The following IL1RAPL2 variants were observed in gnomAD, a reference collection of about 807,000 sequenced individuals.
IL1RAPL2 encodes the protein interleukin 1 receptor accessory protein like 2, also known as X-linked interleukin-1 receptor accessory protein-like 2.
IL1RAPL2 carries 3 observed loss-of-function variants against 44.1 expected under a neutral mutation model. That is an observed-to-expected ratio of 0.07 (90% CI 0.03 to 0.18). The LOEUF is 0.18. Among genes scored for constraint, IL1RAPL2 ranks in the 10% least tolerant of loss-of-function variants. The pLI, the probability that IL1RAPL2 is intolerant of heterozygous loss-of-function variation, is 1.00. For missense variants in IL1RAPL2, 391 were observed against 496.4 expected (o/e 0.79, Z 2.02); for synonymous variants, 181 against 178.8 (o/e 1.01, Z -0.10).
chrX:104,850,523 C>A (rs1490406539), intron 2 of IL1RAPL2, among the ~76,000 whole-genome samples: 6 of 111,586 alleles, frequency 5.4e-5, no homozygotes, highest in Non-Finnish European at 1.1e-4. Flanking sequence ...TGATCTGAGT[C>A]TTTCATAAAC....
chrX:104,742,548 C>T (rs1407766530), intron 2 of IL1RAPL2, among the ~76,000 whole-genome samples: 1 of 111,687 alleles, frequency 9.0e-6, no homozygotes, highest in African/African-American at 3.2e-5. Flanking sequence ...TGTTTAATGA[C>T]ACTGAGAAAA....
At chrX:105,031,086 T>C (rs1471627127) in intron 2 of IL1RAPL2, among the ~76,000 whole-genome samples, 1 of 110,445 alleles carries the variant, frequency 9.1e-6, no homozygotes, top group Non-Finnish European at 1.9e-5. Context: ...TTTTTGCACA[T>C]TGATTTTATA....
At chrX:105,670,105 G>GTAGATATATATATATA (rs2037805363) in intron 6 of IL1RAPL2, among the ~76,000 whole-genome samples, 1 of 11,684 alleles carries the variant, frequency 8.6e-5, no homozygotes, top group Non-Finnish European at 1.9e-4. Flanking sequence ...TGGGTTTCCT[G>GTAGATATATATATATA]TATATATATA....
At chrX:104,844,333 T>G (rs756768708) in intron 2 of IL1RAPL2, among the ~76,000 whole-genome samples, 2 of 111,349 alleles carry the variant, frequency 1.8e-5, no homozygotes, top group African/African-American at 3.3e-5. Flanking sequence ...CCATGGGTCA[T>G]TAGTTCTGAG....
At chrX:104,677,382 G>A (rs753595526) in intron 2 of IL1RAPL2, among the ~76,000 whole-genome samples, 1 of 110,594 alleles carries the variant, frequency 9.0e-6, no homozygotes, top group East Asian at 2.9e-4. Context: ...TGCCCCTGCT[G>A]GGGGGTGCCT....
chrX:105,618,441 T>A (rs772366342), intron 6 of IL1RAPL2, among the ~76,000 whole-genome samples: 45 of 103,683 alleles, frequency 4.3e-4, no homozygotes, highest in Admixed American at 8.3e-4. Context: ...AAGTTAAATT[T>A]AAAAAAAAAA....
At chrX:105,002,522 C>T (rs1031424281) in intron 2 of IL1RAPL2, among the ~76,000 whole-genome samples, 5 of 110,735 alleles carry the variant, frequency 4.5e-5, no homozygotes, top group African/African-American at 6.5e-5. Context: ...TTTGAAGTCA[C>T]GAAAGAATTG....
At chrX:105,073,738 C>T (rs1463707440) in intron 2 of IL1RAPL2, among the ~76,000 whole-genome samples, 2 of 111,672 alleles carry the variant, frequency 1.8e-5, no homozygotes, top group Non-Finnish European at 3.8e-5. Flanking sequence ...ATCACCATTC[C>T]AACTGGTGTG....
intron 5 of IL1RAPL2, among the ~76,000 whole-genome samples, chrX:105,426,569 T>C (rs2035811930): frequency 9.0e-6 from 1 of 111,698 alleles, no homozygotes; most frequent in African/African-American, 3.3e-5. Flanking sequence ...GGGATTATTT[T>C]TTGTAATTTA....
At chrX:105,245,121 G>A (rs1034223195) in intron 4 of IL1RAPL2, among the ~76,000 whole-genome samples, 2 of 112,090 alleles carry the variant, frequency 1.8e-5, no homozygotes, top group Non-Finnish European at 1.9e-5. Context: ...TTTAACTAAC[G>A]TCTTAACTCC....
intron 2 of IL1RAPL2, among the ~76,000 whole-genome samples, chrX:105,185,060 C>T (rs941335292): frequency 5.4e-5 from 6 of 111,593 alleles, no homozygotes; most frequent in African/African-American, 9.8e-5. Flanking sequence ...CTCAGAAGAA[C>T]CTTCAGTTAA....
At chrX:105,610,527 A>G (rs1275594207) in intron 6 of IL1RAPL2, among the ~76,000 whole-genome samples, 1 of 111,656 alleles carries the variant, frequency 9.0e-6, no homozygotes, top group Non-Finnish European at 1.9e-5. Context: ...TTTTTAAAAT[A>G]TAGATTTGTT....
intron 3 of IL1RAPL2, among the ~76,000 whole-genome samples, chrX:105,229,700 C>CTCTTG (rs1556193497): frequency 8.9e-6 from 1 of 112,098 alleles, no homozygotes; most frequent in Non-Finnish European, 1.9e-5. Context: ...ACATGAATGG[C>CTCTTG]TCTTGTCTTG....
chrX:104,786,925 CT>C (rs1932801496), intron 2 of IL1RAPL2, among the ~76,000 whole-genome samples: 1 of 10,820 alleles, frequency 9.2e-5, no homozygotes, highest in South Asian at 5.1e-3. Flanking sequence ...CATATTCTCT[CT>C]CTCTCTCTCT....
At chrX:105,323,973 T>C (rs73519330) in intron 5 of IL1RAPL2, among the ~76,000 whole-genome samples, 1,474 of 111,215 alleles carry the variant, frequency 0.013, 21 homozygotes, top group African/African-American at 0.045. Context: ...TTTTAGAGGG[T>C]ATTGTGTGTA....
At chrX:105,074,948 C>G (rs968326835) in intron 2 of IL1RAPL2, among the ~76,000 whole-genome samples, 1 of 111,008 alleles carries the variant, frequency 9.0e-6, no homozygotes, top group Non-Finnish European at 1.9e-5. Flanking sequence ...TGGGCTGAGA[C>G]GATGGGGTTT....
chrX:104,648,318 A>G (rs1340710255), intron 1 of IL1RAPL2, among the ~76,000 whole-genome samples: 1 of 112,226 alleles, frequency 8.9e-6, no homozygotes, highest in Admixed American at 9.4e-5. Context: ...ATCACAATGC[A>G]TACTGCATTG....
chrX:105,522,435 A>G (rs1489262275), intron 6 of IL1RAPL2, among the ~76,000 whole-genome samples: 1 of 112,553 alleles, frequency 8.9e-6, no homozygotes, highest in Non-Finnish European at 1.9e-5. Context: ...GTAAAATGAC[A>G]TGCTTGTGCA....
intron 2 of IL1RAPL2, among the ~76,000 whole-genome samples, chrX:104,810,715 A>T (rs1932969845): frequency 8.9e-6 from 1 of 112,033 alleles, no homozygotes; most frequent in African/African-American, 3.2e-5. Flanking sequence ...AGCCTACAAC[A>T]TTCTGAAAAA....
Sources: allele counts gnomAD v4.1 joint callset (sites outside exome capture counted in the v4.1 genomes callset), GRCh38; gene constraint gnomAD v4.1.1; transcripts MANE v1.5; gene names NCBI Gene and HGNC (gene_info 2026-07-23, HGNC 2026-07-21).